The following FARP1 variants were observed in gnomAD, a reference collection of about 807,000 sequenced individuals.
FARP1 encodes the protein FERM, ARH/RhoGEF and pleckstrin domain protein 1, also known as FERM, ARHGEF and pleckstrin domain-containing protein 1.
A neutral mutation model predicts 128.8 loss-of-function variants in FARP1; 52 were observed. That is an observed-to-expected ratio of 0.40 (90% CI 0.32 to 0.51). The LOEUF (loss-of-function observed/expected upper bound fraction) is 0.51. FARP1 is among the 20% of genes least tolerant of loss of function. The pLI, the probability that FARP1 is intolerant of heterozygous loss-of-function variation, is 0.45. For missense variants in FARP1, 1,333 were observed against 1,367.9 expected (o/e 0.97, Z 0.40); for synonymous variants, 580 against 551.8 (o/e 1.05, Z -0.72).
chr13:98,156,798 A>G (rs907650153), intron 1 of FARP1, among the ~76,000 whole-genome samples: 11 of 152,054 alleles, frequency 7.2e-5, no homozygotes, highest in South Asian at 2.1e-4. Flanking sequence ...GGCTCAAGCA[A>G]TCCTCCTGCC....
At chr13:98,396,732 C>T in intron 13 of FARP1, 1 of 367,994 alleles carries the variant, frequency 2.7e-6, no homozygotes, top group Non-Finnish European at 4.8e-6. Flanking sequence ...GTCCTAATGA[C>T]AAGTTCTCAG....
At chr13:98,216,678 C>T (rs1238938111) in intron 2 of FARP1, among the ~76,000 whole-genome samples, 3 of 152,174 alleles carry the variant, frequency 2.0e-5, no homozygotes, top group Non-Finnish European at 4.4e-5. Flanking sequence ...TCCATGGTGT[C>T]TCCGTCCTTC....
At chr13:98,417,461 A>G (rs1391552195) in intron 16 of FARP1, among the ~76,000 whole-genome samples, 21 of 104,072 alleles carry the variant, frequency 2.0e-4, no homozygotes, top group African/African-American at 5.7e-4. Context: ...GTTTGAAAAA[A>G]AAAAAAAAAA....
chr13:98,308,010 C>CT (rs66496364), intron 2 of FARP1, among the ~76,000 whole-genome samples: 6 of 43,628 alleles, frequency 1.4e-4, no homozygotes, highest in Non-Finnish European at 2.9e-4. Context: ...GCCTGCCCCC[C>CT]TCCGCCCGCC....
intron 2 of FARP1, among the ~76,000 whole-genome samples, chr13:98,252,465 A>G (rs1883383639): frequency 1.3e-5 from 2 of 152,222 alleles, no homozygotes; most frequent in African/African-American, 2.4e-5. Flanking sequence ...CACAGAGTGA[A>G]GATGACTTTT....
At chr13:98,294,551 A>T (rs560068597) in intron 2 of FARP1, among the ~76,000 whole-genome samples, 1 of 152,218 alleles carries the variant, frequency 6.6e-6, no homozygotes. Flanking sequence ...TTTCGGCACA[A>T]GTCATTATAG....
chr13:98,414,654 TC>T (rs1406032248), intron 16 of FARP1, among the ~76,000 whole-genome samples: 2 of 152,156 alleles, frequency 1.3e-5, no homozygotes, highest in Middle Eastern at 3.2e-3. Flanking sequence ...GTTCTAAACT[TC>T]CCAGGTGATT....
chr13:98,325,413 G>T (rs2139805329), intron 2 of FARP1, among the ~76,000 whole-genome samples: 1 of 152,184 alleles, frequency 6.6e-6, no homozygotes, highest in South Asian at 2.1e-4. Flanking sequence ...GAAAGTGAAG[G>T]CTCCCACCTG....
At chr13:98,368,602 C>T (rs111964234) in intron 5 of FARP1, among the ~76,000 whole-genome samples, 6 of 152,200 alleles carry the variant, frequency 3.9e-5, no homozygotes, top group Non-Finnish European at 7.3e-5. Context: ...AGTGTGACCG[C>T]GTGGAAGAAG....
intron 2 of FARP1, among the ~76,000 whole-genome samples, chr13:98,314,791 G>A (rs685736): frequency 0.37 from 55,566 of 152,038 alleles, 10,813 homozygotes; most frequent in Non-Finnish European, 0.44. Context: ...CCTGCGGGAC[G>A]CATTTCCCAG....
In FARP1 at chr13:98,281,355, A is replaced by G. The variant is rs544453243; in HGVS notation, c.172-62407A>G. Among the ~76,000 whole-genome samples the G allele has an allele frequency of 3.3e-4, 48 of 147,324 alleles. 1 individual carries two copies. Among genetic ancestry groups the G allele is most frequent in the African/African-American group, 1.2e-3 (48 of 40,044 alleles). ...GTTCTCCAGCCTGGGCAACAGAGCA[A>G]GACTCTGTCTTGGAGGGAAAAAAAA... On this transcript the variant is annotated intron_variant, in intron 2 of 26. Coordinates refer to ENST00000319562, the MANE Select transcript of FARP1 (RefSeq NM_005766.4).
chr13:98,386,384 CAT>C (rs1420988913), intron 8 of FARP1, among the ~76,000 whole-genome samples: 1 of 152,144 alleles, frequency 6.6e-6, no homozygotes, highest in East Asian at 1.9e-4. Flanking sequence ...TACTTAAAGA[CAT>C]AATGATTCTC....
intron 1 of FARP1, among the ~76,000 whole-genome samples, chr13:98,153,070 T>A (rs1876132072): frequency 6.6e-6 from 1 of 151,804 alleles, no homozygotes. Flanking sequence ...AGGAACTTAT[T>A]AATCAGGGGT....
rs1594485599 is a variant in FARP1 at position 98,395,435 on chromosome 13, G to A, written c.1373G>A (p.Arg458Lys). The A allele has an allele frequency of 1.2e-6, 2 of 1,603,248 alleles. No individual in the cohort carries two copies. Among genetic ancestry groups the A allele is most frequent in the East Asian group, 2.2e-5 (1 of 44,556 alleles). Residue 458 changes from arginine to lysine, a missense_variant, in exon 13 of 27, where the codon AGG becomes AAG. Physicochemically the swap from Arg to Lys is conservative, Grantham distance 26 (BLOSUM62 2). Transcript: ENST00000319562. ...TEEEEEVVKD[R>K]TQQSKPQPPQ... ...GAAGAGGAGGAGGTCGTTAAGGATA[G>A]GACCCAGCAGAGTAAACCTCAGCCC...
rs189850568 is a variant in FARP1 at position 98,435,814 on chromosome 13, C to T, written c.2274+108C>T. The stretch of plus-strand genomic sequence containing the variant: ...AGAGACCCTTGCAAAGCAAAATGTC[C>T]TCTTTCCATCCACCTGGGAGACAAC... On this transcript the variant is annotated intron_variant, in intron 19 of 26. Coordinates refer to ENST00000319562, the MANE Select transcript of FARP1 (RefSeq NM_005766.4). 2.6e-4 allele frequency: 295 copies of T among 1,136,076 alleles called. 1 individual carries two copies. In the African/African-American group the frequency reaches 4.3e-3, roughly 16 times the overall value. 70.4% of individuals were successfully genotyped at this position (1,136,076 alleles called of 1,614,324 possible).
intron 2 of FARP1, among the ~76,000 whole-genome samples, chr13:98,262,023 C>T (rs1324100426): frequency 7.1e-6 from 1 of 141,362 alleles, no homozygotes; most frequent in Non-Finnish European, 1.5e-5. Flanking sequence ...GCCCCCCCAA[C>T]TTTTTTTTTT....
intron 1 of FARP1, among the ~76,000 whole-genome samples, chr13:98,169,927 C>T (rs1877534249): frequency 6.6e-6 from 1 of 152,042 alleles, no homozygotes; most frequent in African/African-American, 2.4e-5. Flanking sequence ...ATTATTAGGG[C>T]TTTAGGAAGA....
At chr13:98,168,328 G>A (rs1877426928) in intron 1 of FARP1, among the ~76,000 whole-genome samples, 1 of 152,118 alleles carries the variant, frequency 6.6e-6, no homozygotes. Flanking sequence ...TTTGTTTCCT[G>A]TGGAGTCAAT....
chr13:98,230,297 A>G (rs1882039322), intron 2 of FARP1, among the ~76,000 whole-genome samples: 2 of 139,504 alleles, frequency 1.4e-5, no homozygotes, highest in South Asian at 4.2e-4. Flanking sequence ...TCTTTCACAG[A>G]AATTAACCCT....
Sources: allele counts gnomAD v4.1 joint callset (sites outside exome capture counted in the v4.1 genomes callset), GRCh38; gene constraint gnomAD v4.1.1; transcripts MANE v1.5; gene names NCBI Gene and HGNC (gene_info 2026-07-23, HGNC 2026-07-21).